Variants in PCDHGC5 observed in about 807,000 individuals in gnomAD.
PCDHGC5 encodes the protein protocadherin gamma-C5.
PCDHGC5 carries 25 observed loss-of-function variants against 59.0 expected under a neutral mutation model. The ratio of observed to expected loss-of-function variants is 0.42; its 90% CI spans 0.31 to 0.59. The LOEUF is 0.59. PCDHGC5 is among the 20% of genes least tolerant of loss of function. The pLI is 0.13. For synonymous variants in PCDHGC5, 434 were observed against 505.5 expected (o/e 0.86, Z 1.90); for missense variants, 1,067 against 1,206.4 (o/e 0.88, Z 1.71).
intron 2 of PCDHGC5, among the ~76,000 whole-genome samples, chr5:141,500,812 T>C: frequency 6.6e-6 from 1 of 152,322 alleles, no homozygotes; most frequent in South Asian, 2.1e-4. Flanking sequence ...CATATGAATA[T>C]ACATATTATT....
At chr5:141,507,450 CAGAG>C (rs940460926) in intron 3 of PCDHGC5, among the ~76,000 whole-genome samples, 1 of 152,170 alleles carries the variant, frequency 6.6e-6, no homozygotes, top group African/African-American at 2.4e-5. Flanking sequence ...GACGGAAGGA[CAGAG>C]AGAGAGGTGG....
chr5:141,491,544 C>G lies in PCDHGC5; in HGVS notation c.2304C>G (p.Asp768Glu), dbSNP rs546391464. The G allele has an allele frequency of 1.1e-5, 17 of 1,614,018 alleles. No individual in the cohort carries two copies. In the Admixed American group the frequency reaches 1.8e-4, roughly 17 times the overall value. ...KYMEVTLRPT[D>E]SQSHCYRTCF... Reference sequence around the variant, plus strand: ...TGGAGGTGACGCTGCGGCCCACAGACTCGCAGAGCCACTGCTACAGGACGT... The same window carrying G: ...TGGAGGTGACGCTGCGGCCCACAGAGTCGCAGAGCCACTGCTACAGGACGT... Residue 768 changes from aspartate to glutamate, a missense_variant, in exon 1 of 4, where the codon GAC (aspartate) becomes GAG (glutamate). By Grantham distance (45) the Asp-to-Glu change is conservative. Transcript: ENST00000252087. The surrounding 1 kb of genome is among the most constrained non-coding windows in gnomAD (Gnocchi z 6.9).
At chr5:141,501,409 A>G (rs1358547245) in intron 2 of PCDHGC5, among the ~76,000 whole-genome samples, 1 of 151,978 alleles carries the variant, frequency 6.6e-6, no homozygotes, top group African/African-American at 2.4e-5. Context: ...ACTGCTTGGA[A>G]AATAGTTGAC....
intron 3 of PCDHGC5, among the ~76,000 whole-genome samples, chr5:141,510,089 C>G (rs2099879446): frequency 6.6e-6 from 1 of 152,136 alleles, no homozygotes; most frequent in African/African-American, 2.4e-5. Flanking sequence ...GCCTGGCACA[C>G]AGTAGGTGCT....
chr5:141,490,399 C>T lies in PCDHGC5; in HGVS notation c.1159C>T (p.Leu387Phe). The T allele has an allele frequency of 1.2e-6, 2 of 1,614,148 alleles. No homozygotes were observed. Among genetic ancestry groups the T allele is most frequent in the Non-Finnish European group, 1.7e-6 (2 of 1,180,016 alleles). The change falls in exon 1 of 4, where the codon CTT becomes TTT. Residue 387 changes from leucine to phenylalanine, a missense_variant. Leu to Phe is a conservative substitution (Grantham distance 22, BLOSUM62 0). Transcript: ENST00000252087. This position sits in a 1 kb window ranked among gnomAD's most constrained non-coding sequence, Gnocchi z 5.4. ...CTCAGGTAGAAATGGTGAAGTGAGC[C>T]TTGATATCTCTCCGGACCTGCCATT... is the stretch of plus-strand genomic sequence containing the variant. ...RDSGRNGEVSLDISPDLPFQI... is the reference protein window; with the variant it reads ...RDSGRNGEVSFDISPDLPFQI...
In PCDHGC5 at chr5:141,489,129, T is replaced by G; in HGVS notation, c.-112T>G. On this transcript the variant is annotated 5_prime_UTR_variant, in exon 1 of 4. Coordinates refer to ENST00000252087, the MANE Select transcript of PCDHGC5 (RefSeq NM_018929.3). This position sits in a 1 kb window ranked among gnomAD's most constrained non-coding sequence, Gnocchi z 4.5. ...AAGCAGGCAAACCTCCGAGCAGTTT[T>G]TAAGAGGCTGGAAGGAGACATAAGA... 1 of 761,976 alleles carries G rather than the reference T, an allele frequency of 1.3e-6. No homozygotes were observed. The highest frequency in any genetic ancestry group is 2.0e-6 in the Non-Finnish European group (1 of 490,014). The allele number at this position is 761,976 out of a possible 1,614,324, so 47.2% of individuals were successfully genotyped here.
intron 2 of PCDHGC5, among the ~76,000 whole-genome samples, chr5:141,500,416 A>G: frequency 6.6e-6 from 1 of 151,634 alleles, no homozygotes; most frequent in East Asian, 2.0e-4. Flanking sequence ...TCACCGTGTT[A>G]GCCAGGATGG....
Position 141,491,726 on chromosome 5 carries a change from C to A in PCDHGC5, c.2460+26C>A, listed in dbSNP as rs1018940432. ...GTGAGGGGCTCGGCGCCGCCCCGGG[C>A]GACCCCTGGGGGCGGCACTGGAGAA... On this transcript the variant is annotated intron_variant, in intron 1 of 3. Coordinates refer to ENST00000252087, the MANE Select transcript of PCDHGC5 (RefSeq NM_018929.3). This position sits in a 1 kb window ranked among gnomAD's most constrained non-coding sequence, Gnocchi z 6.9. 2.2e-5 allele frequency: 36 copies of A among 1,605,766 alleles called. No individual in the cohort carries two copies. Among genetic ancestry groups the A allele is most frequent in the African/African-American group, 4.0e-5 (3 of 74,588 alleles).
chr5:141,511,202 C>T lies in PCDHGC5; in HGVS notation c.*29C>T, dbSNP rs201024828. 2.0e-3 allele frequency: 3,296 copies of T among 1,612,132 alleles called. 7 individuals carry two copies. Among genetic ancestry groups the T allele is most frequent in the Middle Eastern group, 0.013 (77 of 6,006 alleles). On this transcript the variant is annotated 3_prime_UTR_variant, in exon 4 of 4. Coordinates refer to ENST00000252087, the MANE Select transcript of PCDHGC5 (RefSeq NM_018929.3). ...GGAGGCCAGGCCAAGAGCCACAGGG[C>T]GGCCTCTCCCCAACCAGCCCAGCTT...
rs1409012917 is a variant in PCDHGC5 at position 141,512,928 on chromosome 5, T to A, written c.*1755T>A. On this transcript the variant is annotated 3_prime_UTR_variant, in exon 4 of 4. Transcript: ENST00000252087. ...CAAGTTTTATACTCTAATATTTATA[T>A]GGCTTTTTTTCTTCGACAAAAAAAT... is the stretch of plus-strand genomic sequence containing the variant. 1.3e-5 allele frequency: 2 copies of A among 152,190 alleles called. No individual in the cohort carries two copies. Among genetic ancestry groups the A allele is most frequent in the Non-Finnish European group, 2.9e-5 (2 of 68,044 alleles). The allele number at this position is 152,190 out of a possible 1,614,324, so 9.4% of individuals were successfully genotyped here.
Position 141,489,826 on chromosome 5 carries a change from C to G in PCDHGC5, c.586C>G (p.Leu196Val). Residue 196 changes from leucine (L) to valine (V), a missense_variant, in exon 1 of 4, where the codon CTA becomes GTA. Physicochemically the swap from Leu to Val is conservative, Grantham distance 32. Transcript: ENST00000252087. This position sits in a 1 kb window ranked among gnomAD's most constrained non-coding sequence, Gnocchi z 4.5. The stretch of plus-strand genomic sequence containing the variant: ...TGGGAAGCCATTCCCAGAGCTGGTG[C>G]TAGAGCAGCAGCTGGATCGTGAAGC... ...KDGKPFPELV[L>V]EQQLDREAQA... is the part of the protein sequence containing the mutation. 1 of 1,614,186 alleles carries G rather than the reference C, an allele frequency of 6.2e-7. No homozygotes were observed. The highest frequency in any genetic ancestry group is 8.5e-7 in the Non-Finnish European group (1 of 1,179,988).
At chr5:141,492,242 C>G (rs2099738685) in intron 1 of PCDHGC5, among the ~76,000 whole-genome samples, 1 of 152,190 alleles carries the variant, frequency 6.6e-6, no homozygotes, top group Admixed American at 6.5e-5. Flanking sequence ...GCTGGCCACC[C>G]CCACGGCCCA....
intron 1 of PCDHGC5, 41 bp from the exon 2 acceptor site, chr5:141,494,766 C>T (rs1017994327): frequency 6.2e-7 from 1 of 1,614,038 alleles, no homozygotes; most frequent in Non-Finnish European, 8.5e-7. Flanking sequence ...ATTCTAACTT[C>T]TCACGGGTAC....
chr5:141,503,812 G>C (rs2099831825), intron 2 of PCDHGC5, among the ~76,000 whole-genome samples: 1 of 152,114 alleles, frequency 6.6e-6, no homozygotes, highest in South Asian at 2.1e-4. Context: ...GGGAATCCCA[G>C]ATTGGGCAAA....
chr5:141,502,087 C>T (rs1289663374), intron 2 of PCDHGC5, among the ~76,000 whole-genome samples: 1 of 152,180 alleles, frequency 6.6e-6, no homozygotes, highest in Admixed American at 6.5e-5. Context: ...GGGCTGAGAA[C>T]ACCTGGCCTT....
At position 141,489,220 on chromosome 5, in the gene PCDHGC5, C is replaced by T; in HGVS notation, c.-21C>T. ...AGACAGGACAGCACAGACTTACTCT[C>T]CACAAAGGGACTTCTGGGTCATGGG... On this transcript the variant is annotated 5_prime_UTR_variant, in exon 1 of 4. Transcript: ENST00000252087. This position sits in a 1 kb window ranked among gnomAD's most constrained non-coding sequence, Gnocchi z 4.5. The T allele has an allele frequency of 6.6e-7, 1 of 1,508,698 alleles. No homozygotes were observed. The highest frequency in any genetic ancestry group is 8.9e-7 in the Non-Finnish European group (1 of 1,122,110). The allele number at this position is 1,508,698 out of a possible 1,614,324, so 93.5% of individuals were successfully genotyped here.
Position 141,490,845 on chromosome 5 carries a change from G to T in PCDHGC5, c.1605G>T (p.Gly535=), listed in dbSNP as rs748605746. The T allele has an allele frequency of 1.4e-5, 22 of 1,613,726 alleles. No individual in the cohort carries two copies. The highest frequency in any genetic ancestry group is 1.7e-5 in the Non-Finnish European group (20 of 1,179,894). Residue 535 remains glycine, a synonymous_variant, in exon 1 of 4, where the codon GGG becomes GGT. Coordinates refer to ENST00000252087, the MANE Select transcript of PCDHGC5 (RefSeq NM_018929.3). This position sits in a 1 kb window ranked among gnomAD's most constrained non-coding sequence, Gnocchi z 5.4. ...ELLQMLQIVV[G]VRDSGSPPLH... ...TGCAGATGCTGCAGATTGTGGTGGG[G>T]GTTCGAGACTCCGGCTCTCCCCCAT...
rs1316659737 is a variant in PCDHGC5 at position 141,490,964 on chromosome 5, C to T, written c.1724C>T (p.Ala575Val). ...CCACGGCCAGACTGGGAACACTCAG[C>T]CCCCCAGCGTCTCCCTCGCTCTGCT... Reference protein sequence around the residue: ...LHPRPDWEHSAPQRLPRSAPP... With the variant: ...LHPRPDWEHSVPQRLPRSAPP... Residue 575 changes from alanine (A) to valine (V), a missense_variant, in exon 1 of 4, where the codon GCC becomes GTC. Transcript: ENST00000252087. The surrounding 1 kb of genome is among the most constrained non-coding windows in gnomAD (Gnocchi z 5.4). 2.5e-6 allele frequency: 4 copies of T among 1,613,608 alleles called. No homozygotes were observed. Among genetic ancestry groups the T allele is most frequent in the East Asian group, 2.2e-5 (1 of 44,882 alleles).
Position 141,491,190 on chromosome 5 carries a change from C to A in PCDHGC5, c.1950C>A (p.Asp650Glu), listed in dbSNP as rs759736855. The change falls in exon 1 of 4, where the codon GAC becomes GAA. Residue 650 changes from aspartate (D) to glutamate (E), a missense_variant. By Grantham distance (45) the Asp-to-Glu change is conservative. Transcript: ENST00000252087. The surrounding 1 kb of genome is among the most constrained non-coding windows in gnomAD (Gnocchi z 6.9). ...AGCAGGTGGTGGTCCTGGTGAGGGA[C>A]AATGGTGACCCTTCACTCTCCTCCA... ...DTQQVVVLVR[D>E]NGDPSLSSTA... 1 of 1,614,192 alleles carries A rather than the reference C, an allele frequency of 6.2e-7. No homozygotes were observed. The highest frequency in any genetic ancestry group is 1.1e-5 in the South Asian group (1 of 91,082).
Sources: gnomAD v4.1 joint callset for allele counts (sites outside exome capture counted in the v4.1 genomes callset) on GRCh38, gnomAD v4.1.1 for gene constraint, Gnocchi (gnomAD v3.1) non-coding constraint, MANE v1.5 for transcripts, NCBI Gene and HGNC (gene_info 2026-07-23, HGNC 2026-07-21) for gene names.